CHD3: variants seen among roughly 807,000 people sequenced by gnomAD.
CHD3 encodes the protein ATP-dependent chromatin remodeler CHD3.
CHD3 carries 52 observed loss-of-function variants against 248.9 expected under a neutral mutation model. The observed-to-expected ratio is 0.21, with a 90% CI of 0.17 to 0.26. The LOEUF is 0.26. Among genes scored for constraint, CHD3 ranks in the 10% least tolerant of loss-of-function variants. The probability of loss-of-function intolerance (pLI) is 1.00; values close to 1 mark genes in which losing one functional copy is unlikely to be tolerated. For synonymous variants in CHD3, 985 were observed against 985.2 expected, an observed-to-expected ratio of 1.00 and a Z score of 0.00; for missense variants, 1,482 against 2,605.8, an observed-to-expected ratio of 0.57 and a Z score of 9.39.
At position 7,903,227 on chromosome 17, in the gene CHD3, C is replaced by T. The variant is rs372752099; in HGVS notation, c.3496-45C>T. On this transcript the variant is annotated intron_variant, in intron 22 of 39. Transcript: ENST00000330494. The surrounding 1 kb of genome is among the most constrained non-coding windows in gnomAD (Gnocchi z 6.8). ...GGCAGCTCTATGGGCAGCTTCTCCCCGGCCACTCCCCTGACCCACCCGCCA... is the reference window on the plus strand; with the variant it reads ...GGCAGCTCTATGGGCAGCTTCTCCCTGGCCACTCCCCTGACCCACCCGCCA... The T allele has an allele frequency of 1.9e-5, 30 of 1,596,564 alleles. No homozygotes were observed. The highest frequency in any genetic ancestry group is 6.7e-5 in the African/African-American group (5 of 74,554).
Position 7,907,929 on chromosome 17 carries a change from C to G in CHD3, c.5062C>G (p.Pro1688Ala). 1 of 1,612,788 alleles carries G rather than the reference C, an allele frequency of 6.2e-7. No homozygotes were observed. Among genetic ancestry groups the G allele is most frequent in the South Asian group, 1.1e-5 (1 of 91,010 alleles). Reference sequence around the variant, plus strand: ...AGGTGACCGGGAGCTTCGACCAGGGCCTCGAGATGAGCCACGGTCCAATGG... The same window carrying G: ...AGGTGACCGGGAGCTTCGACCAGGGGCTCGAGATGAGCCACGGTCCAATGG... ...VKGDRELRPGPRDEPRSNGRR... is the reference protein window; with the variant it reads ...VKGDRELRPGARDEPRSNGRR... The change falls in exon 34 of 40, where the codon CCT (proline) becomes GCT (alanine). Residue 1688 changes from proline to alanine, a missense_variant. Pro to Ala is a conservative substitution (Grantham distance 27). This residue lies in a region of CHD3 where 254 missense variants were observed against 266.7 expected (regional missense o/e 0.95). Transcript: ENST00000330494. This position sits in a 1 kb window ranked among gnomAD's most constrained non-coding sequence, Gnocchi z 4.3.
In CHD3 at chr17:7,911,243, G is replaced by A. The variant is rs1049094041; in HGVS notation, c.5882-221G>A. On this transcript the variant is annotated intron_variant, in intron 39 of 39. Transcript: ENST00000330494. The surrounding 1 kb of genome is among the most constrained non-coding windows in gnomAD (Gnocchi z 5.4). ...TCCCTCCGGGTTCCTTCAAGGGAAA[G>A]TGAATATGAAACCCGAGGGGTTAGA... Among the ~76,000 whole-genome samples, 7 of 152,240 alleles carry A rather than the reference G, an allele frequency of 4.6e-5. No individual in the cohort carries two copies. The highest frequency in any genetic ancestry group is 1.0e-4 in the Non-Finnish European group (7 of 68,050).
intron 12 of CHD3, 52 bp downstream of exon 12, chr17:7,898,154 A>G (rs1969907796): frequency 6.3e-7 from 1 of 1,599,830 alleles, no homozygotes; most frequent in African/African-American, 1.3e-5. Context: ...AGGGCATGAA[A>G]GCCAAAACTC....
At position 7,906,026 on chromosome 17, in the gene CHD3, G is replaced by T. The variant is rs767688124; in HGVS notation, c.4358+37G>T. The T allele has an allele frequency of 1.9e-6, 3 of 1,611,400 alleles. No homozygotes were observed. Reference sequence around the variant, plus strand: ...TGATACAGGGCTGAGTTGGACGCAAGGGGAAGAGCTTTGGGTGTTCCTTTC... The same window carrying T: ...TGATACAGGGCTGAGTTGGACGCAATGGGAAGAGCTTTGGGTGTTCCTTTC... On this transcript the variant is annotated intron_variant, in intron 28 of 39. Coordinates refer to ENST00000330494, the MANE Select transcript of CHD3 (RefSeq NM_001005273.3). The surrounding 1 kb of genome is among the most constrained non-coding windows in gnomAD (Gnocchi z 5.0).
chr17:7,886,646 C>G (rs1967996009), upstream of CHD3, among the ~76,000 whole-genome samples: 1 of 152,090 alleles, frequency 6.6e-6, no homozygotes, highest in African/African-American at 2.4e-5. The surrounding 1 kb of genome is among the most constrained non-coding windows in gnomAD (Gnocchi z 4.2). Flanking sequence ...AAAAGTTCTC[C>G]CAGAGAGCCC....
At chr17:7,885,691 G>A (rs1278311890), upstream of CHD3, among the ~76,000 whole-genome samples, 6 of 152,168 alleles carry the variant, frequency 3.9e-5, no homozygotes, top group African/African-American at 1.2e-4. Flanking sequence ...TGGACAGGCA[G>A]AGTGGGGACG....
rs1200579100 is a variant in CHD3 at position 7,905,543 on chromosome 17, G to C, written c.4139-78G>C. ...GGAATGTTCCTGTGTTGTGTATCTT[G>C]TGGGAATGGGGTGCTAAGGAGGACT... On this transcript the variant is annotated intron_variant, in intron 26 of 39. Transcript: ENST00000330494. This position sits in a 1 kb window ranked among gnomAD's most constrained non-coding sequence, Gnocchi z 5.8. 9.3e-7 allele frequency: 1 copy of C among 1,075,488 alleles called. No homozygotes were observed. The highest frequency in any genetic ancestry group is 2.6e-5 in the East Asian group (1 of 38,646). The allele number at this position is 1,075,488 out of a possible 1,614,324, so 66.6% of individuals were successfully genotyped here.
At chr17:7,885,307 C>CCCGCCGCCGCCGCCGCCGCCGCCGCCG (rs939052371), upstream of CHD3, 509 of 157,264 alleles carry the variant, frequency 3.2e-3, 8 homozygotes, top group East Asian at 0.016. Flanking sequence ...GCACCCCTCC[C>CCCGCCGCCGCCGCCGCCGCCGCCGCCG]CCGCCGCCGC....
upstream of CHD3, chr17:7,884,940 A>C (rs1401377446): frequency 7.3e-7 from 1 of 1,367,458 alleles, no homozygotes; most frequent in Non-Finnish European, 9.6e-7. Flanking sequence ...GACGATGAGG[A>C]GGACGACGAC....
chr17:7,910,651 A>G lies in CHD3; in HGVS notation c.5754+60A>G. The G allele has an allele frequency of 1.3e-6, 2 of 1,561,148 alleles. No homozygotes were observed. Among genetic ancestry groups the G allele is most frequent in the Admixed American group, 1.8e-5 (1 of 56,018 alleles). ...GTTTGTGTTCCTCCTGCACACATAC[A>G]AACACTTCCATCAGAATCCTATACA... is the stretch of plus-strand genomic sequence containing the variant. On this transcript the variant is annotated intron_variant, in intron 38 of 39. Coordinates refer to ENST00000330494, the MANE Select transcript of CHD3 (RefSeq NM_001005273.3). This position sits in a 1 kb window ranked among gnomAD's most constrained non-coding sequence, Gnocchi z 4.7.
chr17:7,894,526 C>A lies in CHD3; in HGVS notation c.1187C>A (p.Thr396Asn). ...GGTGGGGAAATTATTCTGTGTGACA[C>A]CTGCCCTCGTGCCTACCACCTCGTC... is the stretch of plus-strand genomic sequence containing the variant. Reference protein sequence around the residue: ...QQGGEIILCDTCPRAYHLVCL... With the variant: ...QQGGEIILCDNCPRAYHLVCL... The change falls in exon 8 of 40, where the codon ACC becomes AAC. Residue 396 changes from threonine (T) to asparagine (N), a missense_variant. Thr to Asn is a moderately conservative substitution (Grantham distance 65). This residue lies in a region of CHD3 where 138 missense variants were observed against 241.1 expected (regional missense o/e 0.57). Transcript: ENST00000330494. 6.2e-7 allele frequency: 1 copy of A among 1,614,102 alleles called. No homozygotes were observed. The highest frequency in any genetic ancestry group is 8.5e-7 in the Non-Finnish European group (1 of 1,180,004).
chr17:7,892,701 T>G (rs1004660759), intron 4 of CHD3, among the ~76,000 whole-genome samples: 6 of 152,194 alleles, frequency 3.9e-5, no homozygotes, highest in Non-Finnish European at 8.8e-5. Flanking sequence ...TTCGCCATGT[T>G]GGCCAGGATG....
Position 7,891,027 on chromosome 17 carries a change from A to G in CHD3, c.472A>G (p.Thr158Ala). ...TGTGTTCTCTGAGGAGGATTACCAC[A>G]CGCTCACCAACTACAAAGCCTTCAG... is the stretch of plus-strand genomic sequence containing the variant. Reference protein sequence around the residue: ...EHVFSEEDYHTLTNYKAFSQF... With the variant: ...EHVFSEEDYHALTNYKAFSQF... The change falls in exon 4 of 40, where the codon ACG becomes GCG. Residue 158 changes from threonine (T) to alanine (A), a missense_variant. Around this residue, in one of 20 missense-constraint regions of CHD3, gnomAD observed 30 missense variants for 83.5 expected, o/e 0.36. Coordinates refer to ENST00000330494, the MANE Select transcript of CHD3 (RefSeq NM_001005273.3). 6.2e-7 allele frequency: 1 copy of G among 1,614,162 alleles called. No homozygotes were observed. The highest frequency in any genetic ancestry group is 1.1e-5 in the South Asian group (1 of 91,084).
In CHD3 at chr17:7,904,167, G is replaced by A; in HGVS notation, c.3894+176G>A. ...TCAGAGAGAAACGTAGGCACAGACA[G>A]TACTGGTAAACACAGAAGGGTACCT... is the stretch of plus-strand genomic sequence containing the variant. On this transcript the variant is annotated intron_variant, in intron 24 of 39. Transcript: ENST00000330494. This position sits in a 1 kb window ranked among gnomAD's most constrained non-coding sequence, Gnocchi z 4.4. 1 of 666,700 alleles carries A rather than the reference G, an allele frequency of 1.5e-6. No homozygotes were observed. The highest frequency in any genetic ancestry group is 2.5e-6 in the Non-Finnish European group (1 of 393,606). 41.3% of individuals were successfully genotyped at this position (666,700 alleles called of 1,614,324 possible).
In CHD3 at chr17:7,908,856, G is replaced by T; in HGVS notation, c.5394+27G>T. On this transcript the variant is annotated intron_variant, in intron 36 of 39. Transcript: ENST00000330494. The surrounding 1 kb of genome is among the most constrained non-coding windows in gnomAD (Gnocchi z 5.8). Reference sequence around the variant, plus strand: ...TGGGAATGAGGGAGGAAAGGAGCGGGTTATAGACGGGCTTGGGTCAGAAGT... The same window carrying T: ...TGGGAATGAGGGAGGAAAGGAGCGGTTTATAGACGGGCTTGGGTCAGAAGT... 2 of 1,613,960 alleles carry T rather than the reference G, an allele frequency of 1.2e-6. No individual in the cohort carries two copies. Among genetic ancestry groups the T allele is most frequent in the South Asian group, 1.1e-5 (1 of 91,068 alleles).
chr17:7,903,663 C>T lies in CHD3; in HGVS notation c.3727+160C>T, dbSNP rs1346870697. ...GGAGGAAGGTTGGCCTCTTTCTTTG[C>T]CTGTAGGGTTAAAACAAACAAAACA... is the stretch of plus-strand genomic sequence containing the variant. On this transcript the variant is annotated intron_variant, in intron 23 of 39. Transcript: ENST00000330494. This position sits in a 1 kb window ranked among gnomAD's most constrained non-coding sequence, Gnocchi z 6.8. Among the ~76,000 whole-genome samples, 2 of 152,132 alleles carry T rather than the reference C, an allele frequency of 1.3e-5. No individual in the cohort carries two copies. The highest frequency in any genetic ancestry group is 1.3e-4 in the Admixed American group (2 of 15,278).
At chr17:7,885,073 CCCG>C, upstream of CHD3, 1 of 981,436 alleles carries the variant, frequency 1.0e-6, no homozygotes, top group Non-Finnish European at 1.2e-6. Context: ...CGCCGCCGCC[CCCG>C]CCGCCAGGTA....
At chr17:7,898,814 T>C (rs1969988038) in intron 13 of CHD3, among the ~76,000 whole-genome samples, 197 bp from the exon 14 acceptor site, 1 of 152,124 alleles carries the variant, frequency 6.6e-6, no homozygotes. Context: ...CAGCTGGCCC[T>C]TCCCCATGGT....
Position 7,906,209 on chromosome 17 carries a change from G to A in CHD3, c.4358+220G>A, listed in dbSNP as rs747237620. On this transcript the variant is annotated intron_variant, in intron 28 of 39. Coordinates refer to ENST00000330494, the MANE Select transcript of CHD3 (RefSeq NM_001005273.3). This position sits in a 1 kb window ranked among gnomAD's most constrained non-coding sequence, Gnocchi z 5.0. ...AGAGGGGCCAGGCATCCTCCCCAGGGGAGGGGCGTTGAAGCAAGGAGCCTC... is the reference window on the plus strand; with the variant it reads ...AGAGGGGCCAGGCATCCTCCCCAGGAGAGGGGCGTTGAAGCAAGGAGCCTC... 5.6e-5 allele frequency: 45 copies of A among 805,898 alleles called. No homozygotes were observed. In the Admixed American group the frequency reaches 7.7e-4, roughly 14 times the overall value. The allele number at this position is 805,898 out of a possible 1,614,324, so 49.9% of individuals were successfully genotyped here.
Sources: gnomAD v4.1 joint callset for allele counts (sites outside exome capture counted in the v4.1 genomes callset) on GRCh38, gnomAD v4.1.1 for gene constraint, gnomAD v4.1.1 regional missense constraint, Gnocchi (gnomAD v3.1) non-coding constraint, MANE v1.5 for transcripts, NCBI Gene and HGNC (gene_info 2026-07-23, HGNC 2026-07-21) for gene names.